Variants in NAA15 observed in about 807,000 individuals in gnomAD.
NAA15 encodes N-terminal acetyltransferase.
Under a neutral mutation model 114.0 loss-of-function variants are expected in NAA15, and 34 were observed. The ratio of observed to expected loss-of-function variants is 0.30; its 90% CI spans 0.23 to 0.40. The LOEUF (loss-of-function observed/expected upper bound fraction) is 0.40, where lower values mean the gene tolerates loss of function less well. NAA15 is among the 10% of genes least tolerant of loss of function. The pLI is 1.00. For missense variants in NAA15, 658 were observed against 1,004.5 expected (o/e 0.66, Z 4.66); for synonymous variants, 340 against 338.0 (o/e 1.01, Z -0.06).
chr4:139,355,929 A>G (rs1747935545), intron 10 of NAA15, among the ~76,000 whole-genome samples: 2 of 152,278 alleles, frequency 1.3e-5, no homozygotes, highest in South Asian at 2.1e-4. Flanking sequence ...TTCTTCCTCT[A>G]TTACCTGTTT....
chr4:139,310,885 C>T (rs1746202369), intron 1 of NAA15, among the ~76,000 whole-genome samples: 1 of 151,690 alleles, frequency 6.6e-6, no homozygotes, highest in Non-Finnish European at 1.5e-5. Context: ...TCCCAAAATG[C>T]TGGAATTACA....
intron 1 of NAA15, among the ~76,000 whole-genome samples, chr4:139,310,945 C>A (rs1303500581): frequency 6.6e-6 from 1 of 151,190 alleles, no homozygotes; most frequent in African/African-American, 2.5e-5. Flanking sequence ...GAGACAGAGT[C>A]TTACTCTGTT....
chr4:139,315,002 T>TCAG (rs1437742705), intron 1 of NAA15, among the ~76,000 whole-genome samples: 8 of 72,004 alleles, frequency 1.1e-4, no homozygotes, highest in Admixed American at 1.4e-4. Flanking sequence ...TCAGTTCAGT[T>TCAG]TAGTTTAGGT....
intron 16 of NAA15, among the ~76,000 whole-genome samples, chr4:139,377,465 G>A (rs999782711): frequency 2.0e-5 from 3 of 151,946 alleles, no homozygotes; most frequent in Non-Finnish European, 1.5e-5. Context: ...TTGAACCCGG[G>A]AGGCAGAGGT....
chr4:139,322,980 C>T (rs557701591), intron 1 of NAA15, among the ~76,000 whole-genome samples: 4 of 151,834 alleles, frequency 2.6e-5, no homozygotes, highest in South Asian at 2.1e-4. Context: ...CATAAGCCAC[C>T]GCTCCCAGCC....
intron 6 of NAA15, among the ~76,000 whole-genome samples, chr4:139,345,447 C>T (rs1747548954): frequency 6.6e-6 from 1 of 152,136 alleles, no homozygotes; most frequent in African/African-American, 2.4e-5. Context: ...CAAATTATTT[C>T]ATTTGATCCC....
intron 1 of NAA15, among the ~76,000 whole-genome samples, chr4:139,328,071 T>G (rs947761313): frequency 6.6e-6 from 1 of 152,220 alleles, no homozygotes; most frequent in Non-Finnish European, 1.5e-5. Flanking sequence ...TTTCTCTCTC[T>G]TTCATTGAGG....
chr4:139,353,034 A>G (rs774055694), intron 9 of NAA15, among the ~76,000 whole-genome samples: 1 of 152,132 alleles, frequency 6.6e-6, no homozygotes, highest in Non-Finnish European at 1.5e-5. Flanking sequence ...GGTCTTATGT[A>G]TAGAATCCTA....
At chr4:139,374,374 C>T (rs898848136) in intron 15 of NAA15, among the ~76,000 whole-genome samples, 2 of 152,002 alleles carry the variant, frequency 1.3e-5, no homozygotes, top group African/African-American at 4.8e-5. Flanking sequence ...TAATTCTATC[C>T]AGTATTTCCC....
chr4:139,345,386 T>C (rs1190341260), intron 6 of NAA15, among the ~76,000 whole-genome samples: 1 of 152,246 alleles, frequency 6.6e-6, no homozygotes, highest in Non-Finnish European at 1.5e-5. Flanking sequence ...TAAATAGCTC[T>C]GTGAACAGAG....
chr4:139,314,998 C>CAGTTCAGTTCAGTTTAGTTTAGTTT (rs1553992502), intron 1 of NAA15, among the ~76,000 whole-genome samples: 1 of 66,664 alleles, frequency 1.5e-5, no homozygotes, highest in Non-Finnish European at 3.1e-5. Context: ...CAGTTCAGTT[C>CAGTTCAGTTCAGTTTAGTTTAGTTT]AGTTTAGTTT....
At chr4:139,378,072 A>T (rs1289757759) in intron 16 of NAA15, among the ~76,000 whole-genome samples, 1 of 152,130 alleles carries the variant, frequency 6.6e-6, no homozygotes, top group African/African-American at 2.4e-5. Context: ...AAAGAGCATT[A>T]GGAGAAGAGA....
chr4:139,371,497 G>GCACACACACACA lies in NAA15; in HGVS notation c.1947+1127_1947+1138dup, dbSNP rs35581039. On this transcript the variant is annotated intron_variant, in intron 15 of 19. Transcript: ENST00000296543. ...CTTAAAAAAAAAAAAAAGAAAAGTA[G>GCACACACACACA]CACACACACACACACACACACACAC... is the stretch of plus-strand genomic sequence containing the variant. Among the ~76,000 whole-genome samples the GCACACACACACA allele has an allele frequency of 8.8e-3, 999 of 113,654 alleles. 16 individuals are homozygous for GCACACACACACA. The highest frequency in any genetic ancestry group is 0.023 in the East Asian group (81 of 3,528). 74.6% of individuals were successfully genotyped at this position (113,654 alleles called of 152,430 possible). A position where few individuals can be genotyped will look rare whatever the true frequency, so the allele number is the denominator to read the frequency against.
chr4:139,357,052 A>G (rs1166890327), intron 10 of NAA15, among the ~76,000 whole-genome samples: 1 of 151,736 alleles, frequency 6.6e-6, no homozygotes, highest in African/African-American at 2.4e-5. Flanking sequence ...TATAAATAAC[A>G]TCCTGATCAG....
chr4:139,339,013 G>T (rs999025763), intron 3 of NAA15, among the ~76,000 whole-genome samples: 3 of 151,912 alleles, frequency 2.0e-5, no homozygotes, highest in Non-Finnish European at 2.9e-5. Flanking sequence ...ATTTTGCAGT[G>T]TTGGCCAGGC....
Position 139,386,768 on chromosome 4 carries a change from G to A in NAA15, c.2400+538G>A, listed in dbSNP as rs181502470. 1.2e-4 allele frequency among the ~76,000 whole-genome samples: 18 copies of A among 152,214 alleles called. No homozygotes were observed. The East Asian group carries it at 3.1e-3, about 26-fold the overall frequency. On this transcript the variant is annotated intron_variant, in intron 19 of 19. Coordinates refer to ENST00000296543, the MANE Select transcript of NAA15 (RefSeq NM_057175.5). The stretch of plus-strand genomic sequence containing the variant: ...GCCTGAAAGGTTGGAGCTGCAGTGG[G>A]CTGTGATTGTGACGCTGTACTCCAG...
Position 139,342,837 on chromosome 4 carries a change from T to C in NAA15, c.414T>C (p.Tyr138=), listed in dbSNP as rs985231155. 6.2e-7 allele frequency: 1 copy of C among 1,609,858 alleles called. No individual in the cohort carries two copies. The highest frequency in any genetic ancestry group is 1.3e-5 in the African/African-American group (1 of 74,730). The change falls in exon 5 of 20, where the codon TAT becomes TAC. Residue 138 remains tyrosine (Y), a synonymous_variant. Transcript: ENST00000296543. ...TTTTCCTTTTAAAGGAAACGAGGTA[T>C]CAGTTACTTCAGCTTCGACCTGCGC... ...RDLEGYRETR[Y]QLLQLRPAQR...
intron 17 of NAA15, among the ~76,000 whole-genome samples, chr4:139,380,564 G>C (rs151052750): frequency 2.4e-4 from 36 of 152,146 alleles, no homozygotes; most frequent in African/African-American, 8.4e-4. Context: ...TTCAGCAGTT[G>C]GTTTCAGAAA....
chr4:139,318,089 T>C (rs1746472969), intron 1 of NAA15, among the ~76,000 whole-genome samples: 1 of 152,224 alleles, frequency 6.6e-6, no homozygotes, highest in Non-Finnish European at 1.5e-5. Flanking sequence ...ATATATGTAA[T>C]TTTCACTTCT....
Sources: gnomAD v4.1 joint callset for allele counts (sites outside exome capture counted in the v4.1 genomes callset) on GRCh38, gnomAD v4.1.1 for gene constraint, MANE v1.5 for transcripts, NCBI Gene and HGNC (gene_info 2026-07-23, HGNC 2026-07-21) for gene names.